Variants in DNAH11 observed in about 807,000 individuals in gnomAD.
The protein encoded by DNAH11 is dynein axonemal heavy chain 11, also known as axonemal beta dynein heavy chain 11.
DNAH11 carries 442 observed loss-of-function variants against 526.0 expected under a neutral mutation model. The observed-to-expected ratio is 0.84, with a 90% CI of 0.78 to 0.91. The LOEUF (loss-of-function observed/expected upper bound fraction) is 0.91, where lower values mean the gene tolerates loss of function less well. Among genes scored for constraint, DNAH11 ranks in the 40% least tolerant of loss-of-function variants. DNAH11 has a pLI of 0.00. For missense variants in DNAH11, 6,989 were observed against 5,448.7 expected, an observed-to-expected ratio of 1.28 and a Z score of -8.90; for synonymous variants, 2,461 against 1,935.9, an observed-to-expected ratio of 1.27 and a Z score of -7.12.
chr7:21,698,807 C>G (rs973700909), intron 36 of DNAH11, among the ~76,000 whole-genome samples: 1 of 152,136 alleles, frequency 6.6e-6, no homozygotes, highest in Non-Finnish European at 1.5e-5. Context: ...CATATAATGA[C>G]TACTTTTCCT....
At chr7:21,565,944 C>A (rs1783650005) in intron 6 of DNAH11, among the ~76,000 whole-genome samples, 2 of 152,176 alleles carry the variant, frequency 1.3e-5, no homozygotes, top group Admixed American at 6.5e-5. Flanking sequence ...CTCTGTTGGG[C>A]AAACTCAGTT....
chr7:21,598,421 A>G lies in DNAH11; in HGVS notation c.2668-1366A>G, dbSNP rs187934933. ...AACCACACCTCTGTCTTCAGGTCCT[A>G]TTTTGCCCCAACTGGCTTGTCCATT... On this transcript the variant is annotated intron_variant, in intron 14 of 81. Coordinates refer to ENST00000409508, the MANE Select transcript of DNAH11 (RefSeq NM_001277115.2). 2.8e-3 allele frequency among the ~76,000 whole-genome samples: 429 copies of G among 152,090 alleles called. 3 individuals carry two copies. Among genetic ancestry groups the G allele is most frequent in the African/African-American group, 9.5e-3 (393 of 41,502 alleles).
At chr7:21,588,344 A>C (rs1784546204) in intron 10 of DNAH11, 143 bp downstream of exon 10, 1 of 1,325,946 alleles carries the variant, frequency 7.5e-7, no homozygotes, top group African/African-American at 1.5e-5. Flanking sequence ...TTCCTCATGG[A>C]GATGGTAAAC....
chr7:21,882,834 A>G (rs995293541), intron 75 of DNAH11, among the ~76,000 whole-genome samples: 2 of 152,066 alleles, frequency 1.3e-5, no homozygotes, highest in Non-Finnish European at 2.9e-5. Context: ...TTAGCTAAAT[A>G]ATTATTGAAA....
intron 25 of DNAH11, among the ~76,000 whole-genome samples, chr7:21,624,089 T>G (rs1786214689): frequency 6.6e-6 from 1 of 152,100 alleles, no homozygotes; most frequent in Admixed American, 6.6e-5. Context: ...CAAACACTGT[T>G]GCATTGTTGA....
intron 65 of DNAH11, among the ~76,000 whole-genome samples, chr7:21,821,965 TC>T (rs1247008060): frequency 2.0e-5 from 3 of 152,088 alleles, no homozygotes; most frequent in African/African-American, 4.8e-5. Flanking sequence ...GCCATATTTT[TC>T]TTTCTGTGCC....
chr7:21,852,699 G>A (rs1782689281), intron 67 of DNAH11, 68 bp downstream of exon 67: 3 of 1,478,892 alleles, frequency 2.0e-6, no homozygotes, highest in Middle Eastern at 2.0e-4. Context: ...GGGGTGGGCA[G>A]TGTGATCAGA....
chr7:21,650,989 T>C (rs1781735542), intron 28 of DNAH11, among the ~76,000 whole-genome samples: 1 of 151,944 alleles, frequency 6.6e-6, no homozygotes, highest in Non-Finnish European at 1.5e-5. Context: ...CTATTTACTA[T>C]TTTGACACAT....
rs1785063410 is a variant in DNAH11, at chr7:21,601,016, A to G, written c.3262A>G (p.Ile1088Val). 3 of 1,610,916 alleles carry G rather than the reference A, an allele frequency of 1.9e-6. No homozygotes were observed. The highest frequency in any genetic ancestry group is 2.2e-5 in the East Asian group (1 of 44,862). The stretch of plus-strand genomic sequence containing the variant: ...AATCTTTTTCTCACTACAGATTGAC[A>G]TTTATGAAGCTTTGTATGTTCAAAT... Reference protein sequence around the residue: ...TLEQFKEQIDIYEALYVQMSK... With the variant: ...TLEQFKEQIDVYEALYVQMSK... Residue 1088 changes from isoleucine (I) to valine (V), a missense_variant, in exon 17 of 82, where the codon ATT becomes GTT. Coordinates refer to ENST00000409508, the MANE Select transcript of DNAH11 (RefSeq NM_001277115.2).
intron 45 of DNAH11, among the ~76,000 whole-genome samples, chr7:21,726,989 A>G (rs1785145741): frequency 1.0e-5 from 1 of 97,656 alleles, no homozygotes; most frequent in Non-Finnish European, 1.8e-5. Context: ...GCTGGAGTGC[A>G]GTGGCGCGAT....
intron 36 of DNAH11, among the ~76,000 whole-genome samples, chr7:21,699,355 G>A (rs1316249669): frequency 6.6e-6 from 1 of 152,140 alleles, no homozygotes; most frequent in African/African-American, 2.4e-5. Context: ...ATAAGCCACA[G>A]AAATTACATA....
At chr7:21,839,611 A>G (rs375027377) in intron 65 of DNAH11, among the ~76,000 whole-genome samples, 2 of 151,950 alleles carry the variant, frequency 1.3e-5, no homozygotes, top group African/African-American at 4.8e-5. Flanking sequence ...ATGCACAGGT[A>G]TATACTGGCT....
At chr7:21,649,007 T>A (rs1296561444) in intron 28 of DNAH11, among the ~76,000 whole-genome samples, 1 of 152,226 alleles carries the variant, frequency 6.6e-6, no homozygotes, top group Non-Finnish European at 1.5e-5. Flanking sequence ...AAGTATTCAT[T>A]TTCCCTTCTC....
chr7:21,872,138 A>AAAAAAAACAAACAAAC lies in DNAH11; in HGVS notation c.11968-1129_11968-1128insCAAACAAACAAAAAAA, dbSNP rs1554291077. 2.6e-4 allele frequency among the ~76,000 whole-genome samples: 34 copies of AAAAAAAACAAACAAAC among 128,996 alleles called. 1 individual carries two copies. The highest frequency in any genetic ancestry group is 3.8e-3 in the Middle Eastern group (1 of 262). 84.6% of individuals were successfully genotyped at this position (128,996 alleles called of 152,430 possible). A position where few individuals can be genotyped will look rare whatever the true frequency, so the allele number is the denominator to read the frequency against. ...GACTCTGTCTCAAAAAAAAAAAAAA[A>AAAAAAAACAAACAAAC]AAAAAAAAAAACCTTCATAATGACC... On this transcript the variant is annotated intron_variant, in intron 73 of 81. Transcript: ENST00000409508.
chr7:21,655,653 C>T (rs552816759), intron 28 of DNAH11, among the ~76,000 whole-genome samples, 179 bp from the exon 29 acceptor site: 2 of 152,274 alleles, frequency 1.3e-5, no homozygotes, highest in East Asian at 1.9e-4. Flanking sequence ...CTGGCCACTT[C>T]ACCACCAAGA....
At position 21,690,760 on chromosome 7, in the gene DNAH11, G is replaced by T; in HGVS notation, c.5925-5G>T. The T allele has an allele frequency of 6.3e-7, 1 of 1,588,488 alleles. No individual in the cohort carries two copies. The highest frequency in any genetic ancestry group is 8.6e-7 in the Non-Finnish European group (1 of 1,161,300). On this transcript the variant is annotated splice_region_variant and splice_polypyrimidine_tract_variant and intron_variant, in intron 34 of 81. Transcript: ENST00000409508. ...TTAATTTCATCAACATTCTTTTTATGGTAGATTTGTATTTCTTGGGGAAGC... is the reference window on the plus strand; with the variant it reads ...TTAATTTCATCAACATTCTTTTTATTGTAGATTTGTATTTCTTGGGGAAGC...
chr7:21,900,874 T>TA (rs1784774469), intron 81 of DNAH11, 133 bp from the exon 82 acceptor site: 3 of 1,436,550 alleles, frequency 2.1e-6, no homozygotes, highest in Non-Finnish European at 2.8e-6. Flanking sequence ...GCCAGCTCAG[T>TA]AAAAATACCA....
At chr7:21,880,382 A>G (rs996683720) in intron 74 of DNAH11, among the ~76,000 whole-genome samples, 1 of 152,210 alleles carries the variant, frequency 6.6e-6, no homozygotes, top group African/African-American at 2.4e-5. Context: ...TGTCATCCAG[A>G]TTCTGCGAAG....
At chr7:21,715,791 A>G (rs1416248498) in intron 42 of DNAH11, among the ~76,000 whole-genome samples, 2 of 151,680 alleles carry the variant, frequency 1.3e-5, no homozygotes, top group Non-Finnish European at 1.5e-5. Context: ...CAACATAGCC[A>G]TTTTTACTCT....
Sources: gnomAD v4.1 joint callset for allele counts (sites outside exome capture counted in the v4.1 genomes callset) on GRCh38, gnomAD v4.1.1 for gene constraint, MANE v1.5 for transcripts, NCBI Gene and HGNC (gene_info 2026-07-23, HGNC 2026-07-21) for gene names.